SRGAP2B: variants seen among roughly 807,000 people sequenced by gnomAD.
SRGAP2B encodes the protein SLIT-ROBO Rho GTPase-activating protein 2B.
Under a neutral mutation model 22.2 loss-of-function variants are expected in SRGAP2B, and 9 were observed. That is an observed-to-expected ratio of 0.41 (90% CI 0.24 to 0.71). SRGAP2B has a LOEUF of 0.71. Ranked by LOEUF, SRGAP2B falls within the 30% of genes least tolerant of loss-of-function variation. The pLI, the probability that SRGAP2B is intolerant of heterozygous loss-of-function variation, is 0.35. For synonymous variants in SRGAP2B, 36 were observed against 87.4 expected, an observed-to-expected ratio of 0.41 and a Z score of 3.28; for missense variants, 114 against 235.8, an observed-to-expected ratio of 0.48 and a Z score of 3.38.
intron 2 of SRGAP2B, among the ~76,000 whole-genome samples, chr1:145,081,811 C>T (rs1238963538): frequency 1.5e-4 from 19 of 129,312 alleles, no homozygotes; most frequent in African/African-American, 4.4e-4. Context: ...CTTGTCATGG[C>T]CAGCTCATGC....
intron 4 of SRGAP2B, among the ~76,000 whole-genome samples, chr1:144,922,535 C>T (rs1664329277): frequency 6.7e-6 from 1 of 149,686 alleles, no homozygotes; most frequent in Non-Finnish European, 1.5e-5. Flanking sequence ...AACAAAAAAA[C>T]AAAACTCCCA....
At chr1:145,019,902 G>A (rs1365376122) in intron 2 of SRGAP2B, among the ~76,000 whole-genome samples, 1 of 150,902 alleles carries the variant, frequency 6.6e-6, no homozygotes, top group Non-Finnish European at 1.5e-5. Flanking sequence ...AGAGCACTCT[G>A]CTTCAGCCAC....
At chr1:144,967,481 C>A (rs1451570535) in intron 3 of SRGAP2B, among the ~76,000 whole-genome samples, 1 of 144,176 alleles carries the variant, frequency 6.9e-6, no homozygotes, top group African/African-American at 2.7e-5. Context: ...CTCTGGGACG[C>A]ATTCAAAGCA....
intron 2 of SRGAP2B, among the ~76,000 whole-genome samples, chr1:145,045,245 C>T (rs1428658206): frequency 4.5e-5 from 5 of 110,486 alleles, no homozygotes; most frequent in Admixed American, 2.0e-4. Context: ...TGCAGCGAGC[C>T]GAGATCTAGC....
chr1:144,934,444 T>C (rs1665474468), intron 4 of SRGAP2B, among the ~76,000 whole-genome samples: 2 of 144,868 alleles, frequency 1.4e-5, no homozygotes, highest in Admixed American at 1.4e-4. Context: ...CCAGAGGTTA[T>C]ATAGATGCCT....
intron 5 of SRGAP2B, among the ~76,000 whole-genome samples, chr1:144,909,625 C>A (rs1447421197): frequency 6.7e-6 from 1 of 150,158 alleles, no homozygotes; most frequent in African/African-American, 2.5e-5. Context: ...AGTGAGGCCC[C>A]AAGATCCCCT....
At chr1:144,956,540 C>T (rs1230755119) in intron 3 of SRGAP2B, among the ~76,000 whole-genome samples, 1 of 121,424 alleles carries the variant, frequency 8.2e-6, no homozygotes, top group African/African-American at 3.4e-5. Flanking sequence ...CTCCGCCTCC[C>T]GCTTTCAAGA....
At position 144,957,163 on chromosome 1, in the gene SRGAP2B, C is replaced by T. The variant is rs2987908; in HGVS notation, c.261-1562G>A. 6.2e-4 allele frequency among the ~76,000 whole-genome samples: 94 copies of T among 150,978 alleles called. 1 individual carries two copies. Among genetic ancestry groups the T allele is most frequent in the African/African-American group, 2.0e-3 (81 of 40,478 alleles). ...TTCTTTCCCCCTTTCCTCTCTTCTCCGCTCCAGTCAGACTCCTACTACAAG... is the reference window on the plus strand; with the variant it reads ...TTCTTTCCCCCTTTCCTCTCTTCTCTGCTCCAGTCAGACTCCTACTACAAG... On this transcript the variant is annotated intron_variant, in intron 3 of 9. Transcript: ENST00000612199.
At chr1:145,068,961 A>G (rs1216180790) in intron 2 of SRGAP2B, among the ~76,000 whole-genome samples, 3 of 146,286 alleles carry the variant, frequency 2.1e-5, no homozygotes, top group African/African-American at 7.6e-5. Flanking sequence ...GTGTATATAT[A>G]TATCTCTCTC....
At chr1:144,986,943 T>C (rs1669765952) in intron 3 of SRGAP2B, among the ~76,000 whole-genome samples, 1 of 151,050 alleles carries the variant, frequency 6.6e-6, no homozygotes, top group South Asian at 2.1e-4. Flanking sequence ...AATACTGCTC[T>C]ATCTAAAATG....
chr1:145,012,403 T>C lies in SRGAP2B; in HGVS notation c.68-17203A>G, dbSNP rs1228450773. 4.0e-5 allele frequency among the ~76,000 whole-genome samples: 6 copies of C among 149,998 alleles called. 1 individual carries two copies. Among genetic ancestry groups the C allele is most frequent in the African/African-American group, 1.5e-4 (6 of 39,762 alleles). On this transcript the variant is annotated intron_variant, in intron 2 of 9. Transcript: ENST00000612199. ...TTTTTTATAACGAGTATTTACTTTT[T>C]TAAAAAAATAAGCAAGAGTTATTCC...
At chr1:144,984,695 C>T (rs1289684318) in intron 3 of SRGAP2B, among the ~76,000 whole-genome samples, 13 of 148,978 alleles carry the variant, frequency 8.7e-5, no homozygotes, top group African/African-American at 3.3e-4. Flanking sequence ...AATTTAGATC[C>T]TTATGATCTA....
At chr1:144,966,326 G>A (rs1448402818) in intron 3 of SRGAP2B, among the ~76,000 whole-genome samples, 2 of 149,514 alleles carry the variant, frequency 1.3e-5, no homozygotes, top group South Asian at 2.1e-4. Context: ...AAGAGAGTGG[G>A]GGCCAATATT....
chr1:144,940,408 T>C (rs1665936182), intron 4 of SRGAP2B, among the ~76,000 whole-genome samples: 1 of 148,160 alleles, frequency 6.7e-6, no homozygotes, highest in Non-Finnish European at 1.5e-5. Context: ...ATGAAAGCCT[T>C]GGCTACCTAG....
At chr1:144,962,076 G>A (rs1234295055) in intron 3 of SRGAP2B, among the ~76,000 whole-genome samples, 10 of 93,936 alleles carry the variant, frequency 1.1e-4, no homozygotes, top group African/African-American at 4.1e-4. Context: ...TGGCTTCAGC[G>A]TTGCCAGCAA....
At chr1:144,968,718 T>C (rs1441706970) in intron 3 of SRGAP2B, among the ~76,000 whole-genome samples, 5 of 107,006 alleles carry the variant, frequency 4.7e-5, no homozygotes, top group Admixed American at 1.1e-4. Flanking sequence ...TGTTTGCAGA[T>C]GACATGATTG....
At chr1:144,967,106 C>A (rs1668144823) in intron 3 of SRGAP2B, among the ~76,000 whole-genome samples, 1 of 89,112 alleles carries the variant, frequency 1.1e-5, no homozygotes, top group Non-Finnish European at 2.1e-5. Context: ...AACAAGGATA[C>A]CCAGGAATTG....
chr1:144,930,476 T>C (rs1665082203), intron 4 of SRGAP2B, among the ~76,000 whole-genome samples: 2 of 135,602 alleles, frequency 1.5e-5, no homozygotes, highest in African/African-American at 6.0e-5. Flanking sequence ...AGAATCCAGA[T>C]ACTAATCTCA....
exon 10 of SRGAP2B, chr1:144,889,195 C>A (rs1298739420): frequency 2.0e-5 from 3 of 148,362 alleles, no homozygotes; most frequent in African/African-American, 7.7e-5. Context: ...CCTCAAGAGA[C>A]CCACCCGCCT....
Sources: allele counts gnomAD v4.1 joint callset (sites outside exome capture counted in the v4.1 genomes callset), GRCh38; gene constraint gnomAD v4.1.1; transcripts MANE v1.5; gene names NCBI Gene and HGNC (gene_info 2026-07-23, HGNC 2026-07-21).